The following PCDHGA4 variants were observed in gnomAD, a reference collection of about 807,000 sequenced individuals.
PCDHGA4 encodes protocadherin gamma subfamily A, 4.
Under a neutral mutation model 54.6 loss-of-function variants are expected in PCDHGA4, and 38 were observed. The ratio of observed to expected loss-of-function variants is 0.70; its 90% CI spans 0.54 to 0.91. The LOEUF (loss-of-function observed/expected upper bound fraction) is 0.91. Among genes scored for constraint, PCDHGA4 ranks in the 40% least tolerant of loss-of-function variants. PCDHGA4 has a pLI of 0.00. For missense variants in PCDHGA4, 1,298 were observed against 1,220.9 expected, an observed-to-expected ratio of 1.06 and a Z score of -0.94; for synonymous variants, 511 against 512.9, an observed-to-expected ratio of 1.00 and a Z score of 0.05.
At chr5:141,364,857 T>C (rs1243069537) in intron 1 of PCDHGA4, 1 of 1,614,008 alleles carries the variant, frequency 6.2e-7, no homozygotes, top group South Asian at 1.1e-5. Context: ...AGCTCCAATC[T>C]GCACTTCTCT....
intron 1 of PCDHGA4, chr5:141,374,160 C>A: frequency 6.2e-7 from 1 of 1,612,164 alleles, no homozygotes; most frequent in Middle Eastern, 1.7e-4. Flanking sequence ...CTGTGGGGGG[C>A]CGCGGCAGCG....
At chr5:141,387,568 T>G in intron 1 of PCDHGA4, 1 of 447,496 alleles carries the variant, frequency 2.2e-6, no homozygotes, top group Admixed American at 3.9e-5. Context: ...CACACAATTA[T>G]AATTATTGCA....
At chr5:141,502,818 C>T (rs1209481886) in intron 2 of PCDHGA4, among the ~76,000 whole-genome samples, 1 of 150,836 alleles carries the variant, frequency 6.6e-6, no homozygotes, top group Non-Finnish European at 1.5e-5. Context: ...ACTGTCTTTT[C>T]CTTGGGGAAG....
intron 1 of PCDHGA4, chr5:141,422,076 G>C (rs2096622180): frequency 1.2e-6 from 2 of 1,612,270 alleles, no homozygotes; most frequent in South Asian, 1.1e-5. Flanking sequence ...ATTCATTTCG[G>C]AACATGGAAA....
chr5:141,482,885 A>G (rs1353686606), intron 1 of PCDHGA4, among the ~76,000 whole-genome samples: 2 of 152,202 alleles, frequency 1.3e-5, no homozygotes. Flanking sequence ...CAGCCTGGCC[A>G]ACATGGTGAA....
At chr5:141,371,591 A>C (rs1767870788) in intron 1 of PCDHGA4, 2 of 1,614,016 alleles carry the variant, frequency 1.2e-6, no homozygotes, top group African/African-American at 2.7e-5. Context: ...AAGATACCAA[A>C]AACACATACA....
rs1001717368 is a variant in PCDHGA4 at position 141,405,559 on chromosome 5, G to A, written c.2514+47938G>A. ...CTCAGCCTCCCAAGTAGAGTAGCTG[G>A]GACTAGAGTAGAGTAGCTGGGACTA... On this transcript the variant is annotated intron_variant, in intron 1 of 3. Transcript: ENST00000571252. 1.8e-5 allele frequency: 11 copies of A among 614,566 alleles called. No individual in the cohort carries two copies. In the Admixed American group the frequency reaches 2.9e-4, roughly 16 times the overall value. The allele number at this position is 614,566 out of a possible 1,614,324, so 38.1% of individuals were successfully genotyped here.
At position 141,485,062 on chromosome 5, in the gene PCDHGA4, C is replaced by A; in HGVS notation, c.2515-9745C>A. 1 of 876,340 alleles carries A rather than the reference C, an allele frequency of 1.1e-6. No individual in the cohort carries two copies. Among genetic ancestry groups the A allele is most frequent in the African/African-American group, 1.7e-5 (1 of 59,510 alleles). The allele number at this position is 876,340 out of a possible 1,614,324, so 54.3% of individuals were successfully genotyped here. On this transcript the variant is annotated intron_variant, in intron 1 of 3. Coordinates refer to ENST00000571252, the MANE Select transcript of PCDHGA4 (RefSeq NM_018917.4). This position sits in a 1 kb window ranked among gnomAD's most constrained non-coding sequence, Gnocchi z 5.7. ...CCTTGCGGCGCCGGCCGAACCGCGC[C>A]AGAGCTGGCGCGGGGAAAGGGAGAT...
intron 1 of PCDHGA4, chr5:141,383,266 A>T: frequency 6.2e-7 from 1 of 1,613,948 alleles, no homozygotes. Context: ...AGACGTGGAA[A>T]TAATAGATAT....
intron 1 of PCDHGA4, among the ~76,000 whole-genome samples, chr5:141,456,379 C>A (rs181915740): frequency 1.3e-5 from 2 of 152,162 alleles, no homozygotes; most frequent in East Asian, 3.9e-4. Context: ...GTTTACAGCA[C>A]CGTTTGGAGT....
chr5:141,504,583 A>C (rs1230825472), intron 2 of PCDHGA4, among the ~76,000 whole-genome samples: 5 of 146,622 alleles, frequency 3.4e-5, no homozygotes, highest in Non-Finnish European at 7.4e-5. Context: ...CCATCTGCCC[A>C]GGATTCACAG....
chr5:141,378,375 T>C (rs2150126691), intron 1 of PCDHGA4: 1 of 152,224 alleles, frequency 6.6e-6, no homozygotes, highest in African/African-American at 2.4e-5. Context: ...ATACAAAAAT[T>C]AGCCAGGTGG....
At chr5:141,412,406 G>T (rs1278637068) in intron 1 of PCDHGA4, 1 of 152,046 alleles carries the variant, frequency 6.6e-6, no homozygotes, top group African/African-American at 2.4e-5. Context: ...ATCCCTGTAA[G>T]ATAAAGTATG....
At position 141,399,438 on chromosome 5, in the gene PCDHGA4, T is replaced by G; in HGVS notation, c.2514+41817T>G. 3 of 1,613,996 alleles carry G rather than the reference T, an allele frequency of 1.9e-6. No individual in the cohort carries two copies. The South Asian group carries it at 3.3e-5, about 18-fold the overall frequency. On this transcript the variant is annotated intron_variant, in intron 1 of 3. Transcript: ENST00000571252. The stretch of plus-strand genomic sequence containing the variant: ...CCTCCAGCATAAGCGTCATCCTACA[T>G]ATCAGAGACGTCAACGATAACGCTC...
rs1193620622 is a variant in PCDHGA4, at chr5:141,512,906, G to A, written c.*1733G>A. On this transcript the variant is annotated 3_prime_UTR_variant, in exon 4 of 4. Coordinates refer to ENST00000571252, the MANE Select transcript of PCDHGA4 (RefSeq NM_018917.4). ...CACCCTCTTCCTGTGTCTCACGCAA[G>A]TTTTATACTCTAATATTTATATGGC... 2.0e-5 allele frequency: 3 copies of A among 152,206 alleles called. No homozygotes were observed. Among genetic ancestry groups the A allele is most frequent in the African/African-American group, 7.2e-5 (3 of 41,438 alleles). The allele number at this position is 152,206 out of a possible 1,614,324, so 9.4% of individuals were successfully genotyped here.
intron 1 of PCDHGA4, chr5:141,478,247 G>A (rs1377698933): frequency 1.2e-6 from 2 of 1,614,074 alleles, no homozygotes; most frequent in Admixed American, 3.3e-5. Context: ...CACAGTGTTC[G>A]GAGTAATCAT....
chr5:141,403,299 T>A (rs1247528606), intron 1 of PCDHGA4: 1 of 1,613,896 alleles, frequency 6.2e-7, no homozygotes, highest in Admixed American at 1.7e-5. Flanking sequence ...AGAGTGAAAC[T>A]GTACGGAATA....
At chr5:141,421,699 G>T (rs751572007) in intron 1 of PCDHGA4, 1 of 1,613,928 alleles carries the variant, frequency 6.2e-7, no homozygotes, top group Admixed American at 1.7e-5. Flanking sequence ...TCTTCCTAAT[G>T]CTAGGGATCC....
At chr5:141,423,577 G>T (rs1348410879) in intron 1 of PCDHGA4, 1 of 1,613,478 alleles carries the variant, frequency 6.2e-7, no homozygotes, top group Admixed American at 1.7e-5. Flanking sequence ...CATCAGCCAG[G>T]AGAGCTGTGA....
Sources: allele counts gnomAD v4.1 joint callset (sites outside exome capture counted in the v4.1 genomes callset), GRCh38; gene constraint gnomAD v4.1.1; non-coding constraint Gnocchi (gnomAD v3.1); transcripts MANE v1.5; gene names NCBI Gene and HGNC (gene_info 2026-07-23, HGNC 2026-07-21).